ABCD3: variants seen among roughly 807,000 people sequenced by gnomAD.
ABCD3 encodes the protein ATP binding cassette subfamily D member 3.
Under a neutral mutation model 105.5 loss-of-function variants are expected in ABCD3, and 41 were observed. The observed-to-expected ratio is 0.39, with a 90% CI of 0.30 to 0.50. ABCD3 has a LOEUF of 0.50. Among genes scored for constraint, ABCD3 ranks in the 20% least tolerant of loss-of-function variants. The probability of loss-of-function intolerance (pLI) is 0.84; values close to 1 mark genes in which losing one functional copy is unlikely to be tolerated. For missense variants in ABCD3, 622 were observed against 806.3 expected, an observed-to-expected ratio of 0.77 and a Z score of 2.77; for synonymous variants, 258 against 269.0, an observed-to-expected ratio of 0.96 and a Z score of 0.40.
chr1:94,456,501 C>A (rs927485725), intron 1 of ABCD3, among the ~76,000 whole-genome samples: 1 of 151,418 alleles, frequency 6.6e-6, no homozygotes, highest in African/African-American at 2.4e-5. Context: ...TGGTCTTGAA[C>A]TCCTGAGCTC....
At chr1:94,390,792 G>A in the ABCD3 span, among the ~76,000 whole-genome samples, 17 of 152,260 alleles carry the variant, frequency 1.1e-4, no homozygotes, top group South Asian at 6.2e-4. Context: ...TCCATATCCC[G>A]ACAGCACATT....
the ABCD3 span, among the ~76,000 whole-genome samples, chr1:94,390,060 G>T: frequency 6.6e-6 from 1 of 152,108 alleles, no homozygotes; most frequent in Non-Finnish European, 1.5e-5. Context: ...GGTCCTTACT[G>T]ATGGAAATTA....
intron 1 of ABCD3, among the ~76,000 whole-genome samples, chr1:94,421,592 A>G (rs1427344664): frequency 9.3e-5 from 8 of 85,888 alleles, no homozygotes; most frequent in African/African-American, 1.9e-4. Context: ...GTGTGTGTGT[A>G]TTACAAAAAT....
chr1:94,397,158 A>G, the ABCD3 span, among the ~76,000 whole-genome samples: 1 of 152,236 alleles, frequency 6.6e-6, no homozygotes, highest in Admixed American at 6.5e-5. Context: ...GACAAGTTGC[A>G]GATAGTACAG....
At position 94,517,610 on chromosome 1, in the gene ABCD3, T is replaced by G. The variant is rs1016173847; in HGVS notation, c.*481T>G. 1 of 174,902 alleles carries G rather than the reference T, an allele frequency of 5.7e-6. No individual in the cohort carries two copies. The highest frequency in any genetic ancestry group is 2.4e-5 in the African/African-American group (1 of 41,584). The allele number at this position is 174,902 out of a possible 1,614,324, so 10.8% of individuals were successfully genotyped here. On this transcript the variant is annotated 3_prime_UTR_variant, in exon 23 of 23. Transcript: ENST00000370214. The stretch of plus-strand genomic sequence containing the variant: ...AAATCATAATGTATTATTTAAATGT[T>G]TAACATCATTGCATAACAGCGTTTA...
intron 9 of ABCD3, 132 bp from the exon 10 acceptor site, chr1:94,483,038 A>T: frequency 1.5e-6 from 1 of 686,512 alleles, no homozygotes; most frequent in East Asian, 2.7e-5. Flanking sequence ...GTGGCTTGAG[A>T]TGCACCAGAT....
chr1:94,506,105 A>G (rs1053775889), intron 20 of ABCD3, among the ~76,000 whole-genome samples: 3 of 152,210 alleles, frequency 2.0e-5, no homozygotes, highest in Non-Finnish European at 4.4e-5. Flanking sequence ...TACAATAAAA[A>G]TTATTGGTGA....
At chr1:94,479,059 C>G (rs547068942) in intron 8 of ABCD3, among the ~76,000 whole-genome samples, 53 of 152,232 alleles carry the variant, frequency 3.5e-4, no homozygotes, top group Non-Finnish European at 6.3e-4. Context: ...ATATGCATTT[C>G]AGTTGATTAA....
the ABCD3 span, among the ~76,000 whole-genome samples, chr1:94,388,224 G>A: frequency 6.6e-6 from 1 of 152,220 alleles, no homozygotes; most frequent in South Asian, 2.1e-4. Context: ...ATCTATGAAC[G>A]CCTTTGAATT....
chr1:94,439,105 G>A (rs1158982835), intron 1 of ABCD3, among the ~76,000 whole-genome samples: 1 of 152,130 alleles, frequency 6.6e-6, no homozygotes, highest in African/African-American at 2.4e-5. Context: ...AAGAGCTCAT[G>A]GAACAATAAT....
chr1:94,420,781 G>A (rs531369290), intron 1 of ABCD3, among the ~76,000 whole-genome samples: 1 of 152,208 alleles, frequency 6.6e-6, no homozygotes, highest in Admixed American at 6.5e-5. Flanking sequence ...ATATTTGAGT[G>A]GGCTTTTGAA....
chr1:94,458,923 A>G (rs1331208932), intron 2 of ABCD3, among the ~76,000 whole-genome samples: 3 of 143,918 alleles, frequency 2.1e-5, no homozygotes, highest in Non-Finnish European at 4.5e-5. Context: ...TTTTGTATCG[A>G]GATATATCTT....
intron 1 of ABCD3, among the ~76,000 whole-genome samples, chr1:94,440,433 C>G (rs1660089713): frequency 6.6e-6 from 1 of 152,158 alleles, no homozygotes; most frequent in African/African-American, 2.4e-5. Flanking sequence ...GCAGGAGGCT[C>G]TGTTCTGAAA....
chr1:94,415,973 A>G (rs376153249), upstream of ABCD3, among the ~76,000 whole-genome samples: 2 of 152,244 alleles, frequency 1.3e-5, no homozygotes, highest in East Asian at 3.8e-4. Flanking sequence ...GGGCTTTATC[A>G]ATAGCTAAAA....
At chr1:94,424,360 CTCTTTCAG>C (rs1382467155) in intron 1 of ABCD3, among the ~76,000 whole-genome samples, 1 of 152,196 alleles carries the variant, frequency 6.6e-6, no homozygotes, top group African/African-American at 2.4e-5. Flanking sequence ...ACTCTCCCCA[CTCTTTCAG>C]TCTTTTTTCA....
At chr1:94,411,933 G>T in the ABCD3 span, among the ~76,000 whole-genome samples, 1 of 152,176 alleles carries the variant, frequency 6.6e-6, no homozygotes, top group African/African-American at 2.4e-5. Flanking sequence ...TACATGAAAT[G>T]TCCAGAATAG....
intron 4 of ABCD3, among the ~76,000 whole-genome samples, chr1:94,471,282 G>A (rs1648444427): frequency 6.6e-6 from 1 of 152,024 alleles, no homozygotes; most frequent in East Asian, 1.9e-4. Context: ...AAGGGGCTGG[G>A]TGTGGTGGCT....
chr1:94,406,357 TACAGTCCAGTGGGTTGTTGTTGTTG>T, the ABCD3 span: 4 of 218,008 alleles, frequency 1.8e-5, no homozygotes, highest in South Asian at 1.4e-4. Flanking sequence ...TTTTTTTTTT[TACAGTCCAGTGGGTTGTTGTTGTTG>T]TTTTACACTT....
intron 16 of ABCD3, among the ~76,000 whole-genome samples, chr1:94,494,447 C>T (rs1649698675): frequency 6.6e-6 from 1 of 152,296 alleles, no homozygotes; most frequent in Non-Finnish European, 1.5e-5. Flanking sequence ...CTGGGTTTCT[C>T]ACATTCATTA....
Sources: gnomAD v4.1 joint callset for allele counts (sites outside exome capture counted in the v4.1 genomes callset) on GRCh38, gnomAD v4.1.1 for gene constraint, MANE v1.5 for transcripts, NCBI Gene and HGNC (gene_info 2026-07-23, HGNC 2026-07-21) for gene names.